The following CCDC88C variants were observed in gnomAD, a reference collection of about 807,000 sequenced individuals.
The protein encoded by CCDC88C is coiled-coil and HOOK domain protein 88C.
In CCDC88C, 131 loss-of-function variants were observed where a neutral mutation model predicts 198.8. That is an observed-to-expected ratio of 0.66 (90% CI 0.57 to 0.76). The LOEUF (loss-of-function observed/expected upper bound fraction) is 0.76, where lower values mean the gene tolerates loss of function less well. Among genes scored for constraint, CCDC88C ranks in the 30% least tolerant of loss-of-function variants. The probability of loss-of-function intolerance (pLI) is 0.00; values close to 1 mark genes in which losing one functional copy is unlikely to be tolerated. For missense variants in CCDC88C, 2,553 were observed against 2,631.6 expected (o/e 0.97, Z 0.65); for synonymous variants, 1,166 against 1,114.7 (o/e 1.05, Z -0.92).
chr14:91,373,963 C>T (rs1351219540), intron 3 of CCDC88C, among the ~76,000 whole-genome samples: 2 of 152,208 alleles, frequency 1.3e-5, no homozygotes, highest in African/African-American at 4.8e-5. Context: ...CCCCCAGGCC[C>T]CTCTCTCGTG....
intron 3 of CCDC88C, among the ~76,000 whole-genome samples, chr14:91,402,458 T>C (rs1463651231): frequency 1.3e-5 from 2 of 152,206 alleles, no homozygotes; most frequent in South Asian, 2.1e-4. Context: ...TTACAGGCAG[T>C]GTGCTGCCGT....
intron 27 of CCDC88C, chr14:91,281,033 A>G (rs1890174928): frequency 5.1e-6 from 2 of 393,958 alleles, no homozygotes; most frequent in South Asian, 1.8e-5. Flanking sequence ...GCAGAAATTT[A>G]TAACATGCTC....
intron 24 of CCDC88C, among the ~76,000 whole-genome samples, 179 bp from the exon 25 acceptor site, chr14:91,289,522 G>A (rs1890571568): frequency 6.6e-6 from 1 of 152,082 alleles, no homozygotes; most frequent in Non-Finnish European, 1.5e-5. Context: ...TCAGGAGCTA[G>A]AACTTAATTC....
chr14:91,327,090 C>T (rs544694440), intron 10 of CCDC88C, among the ~76,000 whole-genome samples: 3 of 152,184 alleles, frequency 2.0e-5, no homozygotes, highest in Admixed American at 6.5e-5. Flanking sequence ...CGGTATCTGG[C>T]GGGGAACTGA....
At chr14:91,385,609 T>C (rs535781772) in intron 3 of CCDC88C, among the ~76,000 whole-genome samples, 14 of 152,294 alleles carry the variant, frequency 9.2e-5, no homozygotes, top group South Asian at 2.1e-4. Flanking sequence ...CAAAAGCTGG[T>C]TGCCCCTCTT....
At chr14:91,320,921 G>A (rs776559785) in intron 13 of CCDC88C, among the ~76,000 whole-genome samples, 199 bp downstream of exon 13, 5 of 152,190 alleles carry the variant, frequency 3.3e-5, no homozygotes, top group East Asian at 1.9e-4. Context: ...ACAGGGCCAC[G>A]CCTCCTCTGG....
chr14:91,338,256 C>CG lies in CCDC88C; in HGVS notation c.892-94dup, dbSNP rs1167849266. On this transcript the variant is annotated intron_variant, in intron 9 of 29. Coordinates refer to ENST00000389857, the MANE Select transcript of CCDC88C (RefSeq NM_001080414.4). This position sits in a 1 kb window ranked among gnomAD's most constrained non-coding sequence, Gnocchi z 4.8. ...GCCCTTCTGCATGGTGTCTCCACGA[C>CG]GGCCCAGGACAAGCCAGCTCCTGGT... The CG allele has an allele frequency of 4.8e-6, 7 of 1,472,002 alleles. No homozygotes were observed. Among genetic ancestry groups the CG allele is most frequent in the African/African-American group, 2.8e-5 (2 of 71,982 alleles). 91.2% of individuals were successfully genotyped at this position (1,472,002 alleles called of 1,614,324 possible).
chr14:91,359,108 G>A (rs560241622), intron 4 of CCDC88C, among the ~76,000 whole-genome samples: 2 of 151,962 alleles, frequency 1.3e-5, no homozygotes, highest in East Asian at 1.9e-4. Context: ...GGAACAAGGC[G>A]GTGGCCTCAC....
chr14:91,335,482 T>G (rs944611223), intron 10 of CCDC88C, among the ~76,000 whole-genome samples: 1 of 152,058 alleles, frequency 6.6e-6, no homozygotes. Flanking sequence ...TCTCCCTGCT[T>G]GGTTAACTCC....
At position 91,382,120 on chromosome 14, in the gene CCDC88C, C is replaced by T. The variant is rs376295697; in HGVS notation, c.271-22409G>A. Among the ~76,000 whole-genome samples the T allele has an allele frequency of 2.6e-5, 4 of 152,148 alleles. No homozygotes were observed. The East Asian group carries it at 7.7e-4, about 29-fold the overall frequency. ...GAGACAAGTCACAATTTCTCTGGGCCCTGGTTTTCTCATCTGTAAGATGAG... is the reference window on the plus strand; with the variant it reads ...GAGACAAGTCACAATTTCTCTGGGCTCTGGTTTTCTCATCTGTAAGATGAG... On this transcript the variant is annotated intron_variant, in intron 3 of 29. Coordinates refer to ENST00000389857, the MANE Select transcript of CCDC88C (RefSeq NM_001080414.4).
intron 22 of CCDC88C, among the ~76,000 whole-genome samples, chr14:91,295,998 G>A (rs1457102188): frequency 2.6e-5 from 4 of 152,176 alleles, no homozygotes; most frequent in Non-Finnish European, 5.9e-5. Context: ...AGAGGCCTTG[G>A]GAGAAACCAG....
At chr14:91,372,827 C>T (rs1247948081) in intron 3 of CCDC88C, among the ~76,000 whole-genome samples, 1 of 152,156 alleles carries the variant, frequency 6.6e-6, no homozygotes, top group Non-Finnish European at 1.5e-5. Flanking sequence ...AGGCAGGTGG[C>T]CGGGCAGGCA....
intron 4 of CCDC88C, among the ~76,000 whole-genome samples, chr14:91,357,413 C>T (rs114990027): frequency 1.7e-3 from 260 of 152,314 alleles, no homozygotes; most frequent in African/African-American, 5.7e-3. Flanking sequence ...TCACCATGCC[C>T]GGCTAACTTT....
At chr14:91,274,838 G>A (rs1387826061) in intron 29 of CCDC88C, among the ~76,000 whole-genome samples, 4 of 152,212 alleles carry the variant, frequency 2.6e-5, no homozygotes, top group Non-Finnish European at 5.9e-5. Flanking sequence ...GGTCACGGAG[G>A]TTTGGCAGGC....
At chr14:91,274,357 C>T (rs1223198517) in intron 29 of CCDC88C, among the ~76,000 whole-genome samples, 1 of 152,206 alleles carries the variant, frequency 6.6e-6, no homozygotes, top group Non-Finnish European at 1.5e-5. Flanking sequence ...GCTTCCCCTG[C>T]CCAGGGAGCA....
At chr14:91,409,856 G>C (rs775285927) in intron 2 of CCDC88C, among the ~76,000 whole-genome samples, 2 of 152,272 alleles carry the variant, frequency 1.3e-5, no homozygotes, top group Non-Finnish European at 2.9e-5. Flanking sequence ...GTCTCCCTCT[G>C]TCATGCGAAT....
In CCDC88C at chr14:91,407,572, C is replaced by T. The variant is rs572893543; in HGVS notation, c.270+1087G>A. ...GAACCCAGACAGATGCCCTGGAGGC[C>T]GAGGAGACAGCTGAGCACAGTGCAC... On this transcript the variant is annotated intron_variant, in intron 3 of 29. Transcript: ENST00000389857. Among the ~76,000 whole-genome samples the T allele has an allele frequency of 3.3e-5, 5 of 152,212 alleles. No individual in the cohort carries two copies. The East Asian group carries it at 7.7e-4, about 23-fold the overall frequency.
intron 3 of CCDC88C, among the ~76,000 whole-genome samples, chr14:91,374,634 C>T (rs566514956): frequency 1.3e-5 from 2 of 152,292 alleles, no homozygotes; most frequent in East Asian, 1.9e-4. Flanking sequence ...CAGAACAGGC[C>T]GTGCAGTCCT....
intron 3 of CCDC88C, among the ~76,000 whole-genome samples, chr14:91,386,969 G>A (rs937609851): frequency 1.2e-4 from 18 of 152,172 alleles, no homozygotes; most frequent in African/African-American, 3.4e-4. Context: ...TGTACTAAGC[G>A]CCCAGCACCA....
Sources: allele counts gnomAD v4.1 joint callset (sites outside exome capture counted in the v4.1 genomes callset), GRCh38; gene constraint gnomAD v4.1.1; non-coding constraint Gnocchi (gnomAD v3.1); transcripts MANE v1.5; gene names NCBI Gene and HGNC (gene_info 2026-07-23, HGNC 2026-07-21).